ZNF385C: variants seen among roughly 807,000 people sequenced by gnomAD.
ZNF385C encodes CTD-2132N18.2.
Under a neutral mutation model 35.4 loss-of-function variants are expected in ZNF385C, and 28 were observed. The observed-to-expected ratio is 0.79, with a 90% CI of 0.59 to 1.08. ZNF385C has a LOEUF of 1.08. Ranked by LOEUF, ZNF385C falls within the 50% of genes least tolerant of loss-of-function variation. The pLI is 0.00. For missense variants in ZNF385C, 605 were observed against 595.6 expected, an observed-to-expected ratio of 1.02 and a Z score of -0.16; for synonymous variants, 248 against 248.2, an observed-to-expected ratio of 1.00 and a Z score of 0.01.
chr17:42,038,906 T>TAC (rs2052932466), intron 2 of ZNF385C: 1 of 152,296 alleles, frequency 6.6e-6, no homozygotes, highest in African/African-American at 2.4e-5. Flanking sequence ...CACGGTCATC[T>TAC]ACTCCCCAGT....
At chr17:42,028,334 T>G in intron 6 of ZNF385C, 88 bp from the exon 7 acceptor site, 4 of 1,354,572 alleles carry the variant, frequency 3.0e-6, no homozygotes, top group East Asian at 2.4e-5. Flanking sequence ...AATTTGGCTC[T>G]CCCTGTAAGC....
chr17:42,029,053 C>T lies in ZNF385C; in HGVS notation c.697G>A (p.Gly233Arg). ...GTTGGTGGTGGCTGGAGTGGAGGCC[C>T]AAGAGGAGGGGCTGCAGGAACTGCT... ...QSKVPAAPPLGPPLQPPPTPD... is the reference protein window; with the variant it reads ...QSKVPAAPPLRPPLQPPPTPD... The change falls in exon 6 of 9, where the codon GGG (glycine) becomes AGG (arginine). Residue 233 changes from glycine to arginine, a missense_variant. Coordinates refer to ENST00000692273, the MANE Select transcript of ZNF385C (RefSeq NM_001392013.1). The T allele has an allele frequency of 5.8e-6, 9 of 1,549,634 alleles. No homozygotes were observed. Among genetic ancestry groups the T allele is most frequent in the Non-Finnish European group, 7.8e-6 (9 of 1,146,668 alleles).
intron 1 of ZNF385C, among the ~76,000 whole-genome samples, chr17:42,072,638 C>T (rs2053641283): frequency 6.6e-6 from 1 of 152,058 alleles, no homozygotes; most frequent in African/African-American, 2.4e-5. Flanking sequence ...TCGCAGCTCC[C>T]GGCCCCGCGC....
At chr17:42,057,506 G>A (rs1401432879) in intron 2 of ZNF385C, among the ~76,000 whole-genome samples, 5 of 26,056 alleles carry the variant, frequency 1.9e-4, no homozygotes, top group Middle Eastern at 0.02. Flanking sequence ...GTGCGCGCGC[G>A]CGCGCGCGTG....
chr17:42,027,065 GGGGAGCGGGCTGGGCA>G lies in ZNF385C; in HGVS notation c.1328_1343del (p.Leu443ProfsTer77), dbSNP rs1308670152. The G allele has an allele frequency of 2.5e-6, 4 of 1,610,508 alleles. No homozygotes were observed. Among genetic ancestry groups the G allele is most frequent in the Non-Finnish European group, 2.5e-6 (3 of 1,178,376 alleles). ...GAGCACAGATGGCAGTGGCTGCGGTGGGGAGCGGGCTGGGCAGGAAGCGGGCTGCCAACGTCTTGGT... is the reference window on the plus strand; with the variant it reads ...GAGCACAGATGGCAGTGGCTGCGGTGGGAAGCGGGCTGCCAACGTCTTGGT... On this transcript the variant is annotated frameshift_variant, in exon 9 of 9. Coordinates refer to ENST00000692273, the MANE Select transcript of ZNF385C (RefSeq NM_001392013.1). LOFTEE classifies it high-confidence loss of function.
In ZNF385C at chr17:42,086,507, G is replaced by A. The variant is rs573190963; in HGVS notation, c.-3+11903C>T. Reference sequence around the variant, plus strand: ...ACCTGAGGTCAGGAGTTCGAGACCAGCCTGGCCAACATGGAGAAACCCTGT... The same window carrying A: ...ACCTGAGGTCAGGAGTTCGAGACCAACCTGGCCAACATGGAGAAACCCTGT... On this transcript the variant is annotated intron_variant, in intron 1 of 8. Coordinates refer to ENST00000692273, the MANE Select transcript of ZNF385C (RefSeq NM_001392013.1). 7.9e-5 allele frequency among the ~76,000 whole-genome samples: 12 copies of A among 152,192 alleles called. No individual in the cohort carries two copies. In the East Asian group the frequency reaches 1.9e-3, roughly 25 times the overall value.
chr17:42,037,354 A>G (rs184901187), intron 3 of ZNF385C, among the ~76,000 whole-genome samples: 1 of 150,334 alleles, frequency 6.7e-6, no homozygotes, highest in East Asian at 2.0e-4. Flanking sequence ...AAACCTATAG[A>G]AACTACAACA....
intron 8 of ZNF385C, 64 bp downstream of exon 8, chr17:42,027,554 G>GGCCCACCCCCCCCCCCCCCCCCCCCC: frequency 1.8e-6 from 1 of 556,882 alleles, no homozygotes; most frequent in Non-Finnish European, 3.3e-6. Flanking sequence ...CCCCCATCTG[G>GGCCCACCCCCCCCCCCCCCCCCCCCC]CCCTCCCAGC....
chr17:42,085,096 A>G (rs2143938652), intron 1 of ZNF385C, among the ~76,000 whole-genome samples: 2 of 152,272 alleles, frequency 1.3e-5, no homozygotes, highest in South Asian at 4.1e-4. Context: ...CAGGAGTTCG[A>G]GACCAGCCTG....
At chr17:42,068,222 C>T (rs542285612) in intron 1 of ZNF385C, among the ~76,000 whole-genome samples, 5 of 152,268 alleles carry the variant, frequency 3.3e-5, no homozygotes, top group African/African-American at 9.6e-5. Context: ...ATCGGCAGCT[C>T]GGCATCCCCA....
chr17:42,082,887 G>A (rs974549065), intron 1 of ZNF385C, among the ~76,000 whole-genome samples: 7 of 152,164 alleles, frequency 4.6e-5, no homozygotes, highest in Non-Finnish European at 1.0e-4. Context: ...AGACCAGCCT[G>A]TTCAACATGG....
intron 2 of ZNF385C, among the ~76,000 whole-genome samples, chr17:42,060,636 G>A (rs1555657925): frequency 6.6e-6 from 1 of 152,136 alleles, no homozygotes; most frequent in Non-Finnish European, 1.5e-5. Context: ...TTCCCTGCCT[G>A]GGATCCTCTC....
At chr17:42,080,741 C>T (rs886999526) in intron 1 of ZNF385C, among the ~76,000 whole-genome samples, 7 of 152,224 alleles carry the variant, frequency 4.6e-5, no homozygotes, top group African/African-American at 1.7e-4. Flanking sequence ...TCAAAACCAG[C>T]TGAGAGGTTC....
At chr17:42,073,211 C>T (rs1045181019) in intron 1 of ZNF385C, among the ~76,000 whole-genome samples, 1 of 151,988 alleles carries the variant, frequency 6.6e-6, no homozygotes. Context: ...TCGAGGCAGG[C>T]GGATCACTTG....
At chr17:42,082,293 C>G (rs1375785804) in intron 1 of ZNF385C, among the ~76,000 whole-genome samples, 2 of 152,244 alleles carry the variant, frequency 1.3e-5, no homozygotes, top group African/African-American at 4.8e-5. Context: ...TCGCCTCAGC[C>G]TTCCAAAGTG....
At position 42,039,975 on chromosome 17, in the gene ZNF385C, C is replaced by T. The variant is rs1231835002; in HGVS notation, c.251-2090G>A. ...GGAAGAGCTCGTGCAGCTCCGAGTGCGCGCACGCCAGCTGGGTGCACAGGG... is the reference window on the plus strand; with the variant it reads ...GGAAGAGCTCGTGCAGCTCCGAGTGTGCGCACGCCAGCTGGGTGCACAGGG... On this transcript the variant is annotated intron_variant, in intron 2 of 8. Coordinates refer to ENST00000692273, the MANE Select transcript of ZNF385C (RefSeq NM_001392013.1). The T allele has an allele frequency of 7.3e-6, 9 of 1,231,060 alleles. No individual in the cohort carries two copies. In the East Asian group the frequency reaches 1.9e-4, roughly 26 times the overall value. The allele number at this position is 1,231,060 out of a possible 1,614,324, so 76.3% of individuals were successfully genotyped here.
intron 1 of ZNF385C, among the ~76,000 whole-genome samples, chr17:42,096,618 T>C (rs1555660976): frequency 1.3e-5 from 2 of 152,154 alleles, no homozygotes. Flanking sequence ...ACTCGTATTA[T>C]TTATCTTCCT....
chr17:42,077,200 T>G (rs1555659331), intron 1 of ZNF385C, among the ~76,000 whole-genome samples: 1 of 152,216 alleles, frequency 6.6e-6, no homozygotes, highest in Non-Finnish European at 1.5e-5. Flanking sequence ...GGCACCTTGC[T>G]CTGACTGTGT....
rs2052584049 is a variant in ZNF385C, at chr17:42,026,653, T to C, written c.*244A>G. ...TGGGGCTGAGATTTTGCATAGATCT[T>C]TGGGGTCTGTCAGGGTGGGAAATGC... On this transcript the variant is annotated 3_prime_UTR_variant, in exon 9 of 9. Coordinates refer to ENST00000692273, the MANE Select transcript of ZNF385C (RefSeq NM_001392013.1). The C allele has an allele frequency of 3.5e-6, 2 of 571,566 alleles. No homozygotes were observed. The highest frequency in any genetic ancestry group is 3.1e-6 in the Non-Finnish European group (1 of 319,496). 35.4% of individuals were successfully genotyped at this position (571,566 alleles called of 1,614,324 possible).
Sources: gnomAD v4.1 joint callset for allele counts (sites outside exome capture counted in the v4.1 genomes callset) on GRCh38, gnomAD v4.1.1 for gene constraint, MANE v1.5 for transcripts, NCBI Gene and HGNC (gene_info 2026-07-23, HGNC 2026-07-21) for gene names.